The following OR10T2 variants were observed in gnomAD, a reference collection of about 807,000 sequenced individuals.
OR10T2 encodes the protein olfactory receptor 10T2.
For missense variants in OR10T2, 416 were observed against 372.3 expected (o/e 1.12, Z -0.97); for synonymous variants, 162 against 144.1 (o/e 1.12, Z -0.89).
Position 158,398,860 on chromosome 1 carries a change from G to A in OR10T2, c.607C>T (p.Leu203Phe), listed in dbSNP as rs928322650. The A allele has an allele frequency of 4.3e-6, 7 of 1,614,160 alleles. No individual in the cohort carries two copies. Among genetic ancestry groups the A allele is most frequent in the Non-Finnish European group, 5.9e-6 (7 of 1,180,010 alleles). ...THVKELALFS[L>F]SILVIMVPFL... ...GGCACCATAATTACCAGGATGCTGA[G>A]GCTAAATAAAGCCAGCTCTTTCACA... The change falls in exon 1 of 1, where the codon CTC becomes TTC. Residue 203 changes from leucine to phenylalanine, a missense_variant. By Grantham distance (22) the Leu-to-Phe change is conservative. Transcript: ENST00000334438.
rs371050215 is a variant in OR10T2 at position 158,398,907 on chromosome 1, T to C, written c.560A>G (p.Lys187Arg). 3.7e-6 allele frequency: 6 copies of C among 1,614,022 alleles called. No homozygotes were observed. The highest frequency in any genetic ancestry group is 5.1e-6 in the Non-Finnish European group (6 of 1,179,974). ...CACATGGGTGTCAGTGCAGGCTAACTTGATAACAGGTGCCATGTCACAGAA... is the reference window on the plus strand; with the variant it reads ...CACATGGGTGTCAGTGCAGGCTAACCTGATAACAGGTGCCATGTCACAGAA... Reference protein sequence around the residue: ...HYFCDMAPVIKLACTDTHVKE... With the variant: ...HYFCDMAPVIRLACTDTHVKE... The change falls in exon 1 of 1, where the codon AAG becomes AGG. Residue 187 changes from lysine to arginine, a missense_variant. Transcript: ENST00000334438.
In OR10T2 at chr1:158,398,952, G is replaced by C; in HGVS notation, c.515C>G (p.Pro172Arg). 6.2e-7 allele frequency: 1 copy of C among 1,613,994 alleles called. No homozygotes were observed. The highest frequency in any genetic ancestry group is 8.5e-7 in the Non-Finnish European group (1 of 1,180,006). ...ACAGAAATAGTGGTTAACCCTGTTG[G>C]GGCCACAAAAACGCATGTCACAAAT... ...NLICDMRFCG[P>R]NRVNHYFCDM... is the part of the protein sequence containing the mutation. Residue 172 changes from proline to arginine, a missense_variant, in exon 1 of 1, where the codon CCC becomes CGC. Transcript: ENST00000334438.
Position 158,398,792 on chromosome 1 carries a change from G to A in OR10T2, c.675C>T (p.Thr225=). 1 of 1,614,064 alleles carries A rather than the reference G, an allele frequency of 6.2e-7. No homozygotes were observed. The highest frequency in any genetic ancestry group is 1.1e-5 in the South Asian group (1 of 91,056). ...CCTCAGCTGAGGGGATCTTCAGGAT[G>A]GTGTTAACTATGAAGCCATAGGATA... ...ILISYGFIVN[T]ILKIPSAEGK... The change falls in exon 1 of 1, where the codon ACC becomes ACT. Residue 225 remains threonine, a synonymous_variant. Transcript: ENST00000334438.
chr1:158,398,902 C>T lies in OR10T2; in HGVS notation c.565G>A (p.Ala189Thr). The T allele has an allele frequency of 6.2e-7, 1 of 1,613,972 alleles. No homozygotes were observed. Among genetic ancestry groups the T allele is most frequent in the Non-Finnish European group, 8.5e-7 (1 of 1,179,966 alleles). The change falls in exon 1 of 1, where the codon GCC becomes ACC. Residue 189 changes from alanine (A) to threonine (T), a missense_variant. Ala to Thr is a moderately conservative substitution (Grantham distance 58, BLOSUM62 0). Coordinates refer to ENST00000334438, the MANE Select transcript of OR10T2 (RefSeq NM_001004475.1). ...TCTTTCACATGGGTGTCAGTGCAGG[C>T]TAACTTGATAACAGGTGCCATGTCA... The part of the protein sequence containing the change: ...FCDMAPVIKL[A>T]CTDTHVKELA...
In OR10T2 at chr1:158,399,346, C is replaced by A. The variant is rs1378570187; in HGVS notation, c.121G>T (p.Val41Leu). The change falls in exon 1 of 1, where the codon GTG becomes TTG. Residue 41 changes from valine (V) to leucine (L), a missense_variant. Transcript: ENST00000334438. Reference protein sequence around the residue: ...IFLLLYLTILVANVTIMAVIR... With the variant: ...IFLLLYLTILLANVTIMAVIR... ...ACGGCCATGATGGTCACATTGGCCA[C>A]CAGGATTGTCAAGTATAGGAGAAGA... The A allele has an allele frequency of 6.2e-7, 1 of 1,613,944 alleles. No homozygotes were observed. The highest frequency in any genetic ancestry group is 8.5e-7 in the Non-Finnish European group (1 of 1,179,948).
At position 158,399,423 on chromosome 1, in the gene OR10T2, A is replaced by G; in HGVS notation, c.44T>C (p.Leu15Pro). 1.2e-6 allele frequency: 2 copies of G among 1,614,064 alleles called. No homozygotes were observed. The highest frequency in any genetic ancestry group is 1.7e-6 in the Non-Finnish European group (2 of 1,179,962). The change falls in exon 1 of 1, where the codon CTG becomes CCG. Residue 15 changes from leucine to proline, a missense_variant. Physicochemically the swap from Leu to Pro is moderately conservative, Grantham distance 98. Coordinates refer to ENST00000334438, the MANE Select transcript of OR10T2 (RefSeq NM_001004475.1). ...NKTTVVTQFI[L>P]VGFSSLGELQ... ...CTCCCCCAGGCTGGAGAAACCCACC[A>G]GGATGAACTGTGTAACCACAGTGGT...
Position 158,398,702 on chromosome 1 carries a change from G to T in OR10T2, c.765C>A (p.Ala255=), listed in dbSNP as rs562232494. ...ACTTGGGCCGCAGATAGATGATAGA[G>T]GCACAGCCATAGTGGACAAAGACCA... The part of the protein sequence containing the change: ...LTVVFVHYGC[A]SIIYLRPKSK... The change falls in exon 1 of 1, where the codon GCC becomes GCA. Residue 255 remains alanine (A), a synonymous_variant. Coordinates refer to ENST00000334438, the MANE Select transcript of OR10T2 (RefSeq NM_001004475.1). The T allele has an allele frequency of 1.2e-5, 20 of 1,614,120 alleles. No individual in the cohort carries two copies. The highest frequency in any genetic ancestry group is 8.3e-5 in the Admixed American group (5 of 60,014).
In OR10T2 at chr1:158,399,246, T is replaced by C; in HGVS notation, c.221A>G (p.Tyr74Cys). ...LFILSFSESCYTFVIIPQLLV... is the reference protein window; with the variant it reads ...LFILSFSESCCTFVIIPQLLV... Reference sequence around the variant, plus strand: ...CAGCTGAGGGATGATGACAAAAGTGTAGCAGGACTCAGAAAATGAAAGGAT... The same window carrying C: ...CAGCTGAGGGATGATGACAAAAGTGCAGCAGGACTCAGAAAATGAAAGGAT... Residue 74 changes from tyrosine to cysteine, a missense_variant, in exon 1 of 1, where the codon TAC (tyrosine) becomes TGC (cysteine). Coordinates refer to ENST00000334438, the MANE Select transcript of OR10T2 (RefSeq NM_001004475.1). The C allele has an allele frequency of 3.1e-6, 5 of 1,614,038 alleles. No individual in the cohort carries two copies. Among genetic ancestry groups the C allele is most frequent in the Non-Finnish European group, 3.4e-6 (4 of 1,179,964 alleles).
chr1:158,398,627 C>G lies in OR10T2; in HGVS notation c.840G>C (p.Val280=). The change falls in exon 1 of 1, where the codon GTG becomes GTC. Residue 280 remains valine (V), a synonymous_variant. Coordinates refer to ENST00000334438, the MANE Select transcript of OR10T2 (RefSeq NM_001004475.1). ...CAAGAGGATTAAGTAAGGGAGTAAC[C>G]ACTGTGTAGGTCACTGCCACCAACT... ...KDQLVAVTYT[V]VTPLLNPLVY... 6.2e-7 allele frequency: 1 copy of G among 1,613,958 alleles called. No individual in the cohort carries two copies. The highest frequency in any genetic ancestry group is 8.5e-7 in the Non-Finnish European group (1 of 1,179,942).
Position 158,398,903 on chromosome 1 carries a change from T to C in OR10T2, c.564A>G (p.Leu188=), listed in dbSNP as rs377543164. ...CTTTCACATGGGTGTCAGTGCAGGC[T>C]AACTTGATAACAGGTGCCATGTCAC... The part of the protein sequence containing the change: ...YFCDMAPVIK[L]ACTDTHVKEL... The change falls in exon 1 of 1, where the codon TTA becomes TTG. Residue 188 remains leucine (L), a synonymous_variant. Coordinates refer to ENST00000334438, the MANE Select transcript of OR10T2 (RefSeq NM_001004475.1). 8.6e-5 allele frequency: 139 copies of C among 1,614,034 alleles called. No homozygotes were observed. Among genetic ancestry groups the C allele is most frequent in the Non-Finnish European group, 1.1e-4 (128 of 1,179,994 alleles).
chr1:158,398,673 T>C lies in OR10T2; in HGVS notation c.794A>G (p.Lys265Arg), dbSNP rs1483176197. 5 of 1,614,012 alleles carry C rather than the reference T, an allele frequency of 3.1e-6. No individual in the cohort carries two copies. The highest frequency in any genetic ancestry group is 2.2e-5 in the East Asian group (1 of 44,878). ...CAACTGATCCTTGTCTGAGGCAGAC[T>C]TGGACTTGGGCCGCAGATAGATGAT... ...ASIIYLRPKS[K>R]SASDKDQLVA... The change falls in exon 1 of 1, where the codon AAG becomes AGG. Residue 265 changes from lysine (K) to arginine (R), a missense_variant. Lys to Arg is a conservative substitution (Grantham distance 26). Coordinates refer to ENST00000334438, the MANE Select transcript of OR10T2 (RefSeq NM_001004475.1).
chr1:158,399,401 C>T lies in OR10T2; in HGVS notation c.66G>A (p.Gly22=). The change falls in exon 1 of 1, where the codon GGG becomes GGA. Residue 22 remains glycine, a synonymous_variant. Transcript: ENST00000334438. ...TGACAAAAAGCAGCAGCTGGAGCTC[C>T]CCCAGGCTGGAGAAACCCACCAGGA... ...QFILVGFSSL[G]ELQLLLFVIF... is the part of the protein sequence containing the mutation. 1.2e-6 allele frequency: 2 copies of T among 1,613,992 alleles called. No homozygotes were observed. The highest frequency in any genetic ancestry group is 1.7e-6 in the Non-Finnish European group (2 of 1,179,984).
At position 158,399,204 on chromosome 1, in the gene OR10T2, G is replaced by A. The variant is rs762276449; in HGVS notation, c.263C>T (p.Ser88Leu). The A allele has an allele frequency of 6.2e-7, 1 of 1,614,058 alleles. No individual in the cohort carries two copies. Among genetic ancestry groups the A allele is most frequent in the Admixed American group, 1.7e-5 (1 of 60,014 alleles). Residue 88 changes from serine to leucine, a missense_variant, in exon 1 of 1, where the codon TCA becomes TTA. By Grantham distance (145) the Ser-to-Leu change is moderately radical. Transcript: ENST00000334438. ...IIPQLLVHLL[S>L]DTKTISFMAC... ...CATGAAGGAGATGGTCTTGGTGTCT[G>A]AGAGCAGGTGGACCAGCAGCTGAGG...
chr1:158,399,459 C>A lies in OR10T2; in HGVS notation c.8G>T (p.Gly3Val). The change falls in exon 1 of 1, where the codon GGT becomes GTT. Residue 3 changes from glycine (G) to valine (V), a missense_variant. Coordinates refer to ENST00000334438, the MANE Select transcript of OR10T2 (RefSeq NM_001004475.1). Reference sequence around the variant, plus strand: ...TGTAACCACAGTGGTTTTGTTGAAACCTCGCATCTGAAGAACTTCTTTCTG... The same window carrying A: ...TGTAACCACAGTGGTTTTGTTGAAAACTCGCATCTGAAGAACTTCTTTCTG... MRGFNKTTVVTQF... is the reference protein window; with the variant it reads MRVFNKTTVVTQF... The A allele has an allele frequency of 1.3e-6, 2 of 1,595,614 alleles. No individual in the cohort carries two copies. The highest frequency in any genetic ancestry group is 2.7e-5 in the African/African-American group (2 of 74,186).
chr1:158,398,934 T>C lies in OR10T2; in HGVS notation c.533A>G (p.Tyr178Cys). The C allele has an allele frequency of 6.2e-7, 1 of 1,613,940 alleles. No individual in the cohort carries two copies. The highest frequency in any genetic ancestry group is 8.5e-7 in the Non-Finnish European group (1 of 1,179,970). Residue 178 changes from tyrosine to cysteine, a missense_variant, in exon 1 of 1, where the codon TAT becomes TGT. Coordinates refer to ENST00000334438, the MANE Select transcript of OR10T2 (RefSeq NM_001004475.1). ...GATAACAGGTGCCATGTCACAGAAA[T>C]AGTGGTTAACCCTGTTGGGGCCACA... ...RFCGPNRVNH[Y>C]FCDMAPVIKL...
Sources: allele counts gnomAD v4.1 joint callset, GRCh38; gene constraint gnomAD v4.1.1; transcripts MANE v1.5; gene names NCBI Gene and HGNC (gene_info 2026-07-23, HGNC 2026-07-21).